SRGAP1: variants seen among roughly 807,000 people sequenced by gnomAD.
The protein encoded by SRGAP1 is SLIT-ROBO Rho GTPase-activating protein 1.
A neutral mutation model predicts 121.9 loss-of-function variants in SRGAP1; 43 were observed. That is an observed-to-expected ratio of 0.35 (90% CI 0.28 to 0.46). SRGAP1 has a LOEUF of 0.46. Ranked by LOEUF, SRGAP1 falls within the 20% of genes least tolerant of loss-of-function variation. The pLI is 1.00. For missense variants in SRGAP1, 1,102 were observed against 1,350.9 expected (o/e 0.82, Z 2.89); for synonymous variants, 447 against 485.4 (o/e 0.92, Z 1.04).
intron 1 of SRGAP1, among the ~76,000 whole-genome samples, chr12:63,858,630 A>G (rs934622790): frequency 2.0e-5 from 3 of 152,194 alleles, no homozygotes; most frequent in African/African-American, 7.2e-5. Context: ...TTAAACTGCT[A>G]ATCAGTAGTT....
At chr12:64,097,535 A>C in intron 15 of SRGAP1, 160 bp downstream of exon 15, 1 of 772,392 alleles carries the variant, frequency 1.3e-6, no homozygotes, top group Non-Finnish European at 1.9e-6. Flanking sequence ...AGTGCGAGTC[A>C]TCCTCCCAGC....
In SRGAP1 at chr12:64,145,623, C is replaced by T. The variant is rs1179209283; in HGVS notation, c.*2951C>T. ...AGTGAGTGAGGACTCAGTAAAGACT[C>T]ACCTCTCCTTACTTGGTTTATTAAA... is the stretch of plus-strand genomic sequence containing the variant. On this transcript the variant is annotated 3_prime_UTR_variant, in exon 22 of 22. Coordinates refer to ENST00000355086, the MANE Select transcript of SRGAP1 (RefSeq NM_020762.4). 1 of 151,864 alleles carries T rather than the reference C, an allele frequency of 6.6e-6. No homozygotes were observed. The highest frequency in any genetic ancestry group is 1.5e-5 in the Non-Finnish European group (1 of 68,028). The allele number at this position is 151,864 out of a possible 1,614,324, so 9.4% of individuals were successfully genotyped here. A position where few individuals can be genotyped will look rare whatever the true frequency, so the allele number is the denominator to read the frequency against.
intron 7 of SRGAP1, 46 bp downstream of exon 7, chr12:64,063,184 A>T: frequency 1.3e-6 from 2 of 1,498,640 alleles, no homozygotes; most frequent in Non-Finnish European, 1.8e-6. Context: ...CTCTTCACTT[A>T]TATTTCTCCT....
chr12:64,031,317 C>CAAAAAA (rs578019090), intron 4 of SRGAP1, among the ~76,000 whole-genome samples: 1 of 95,730 alleles, frequency 1.0e-5, no homozygotes, highest in Non-Finnish European at 2.0e-5. Flanking sequence ...GACTCTGTCT[C>CAAAAAA]AAAAAAAAAA....
At chr12:64,052,577 G>T (rs143869915) in intron 6 of SRGAP1, among the ~76,000 whole-genome samples, 3 of 151,370 alleles carry the variant, frequency 2.0e-5, no homozygotes, top group East Asian at 3.9e-4. Flanking sequence ...CAAAATAAAC[G>T]TATATGTTTT....
chr12:63,896,194 C>T (rs942544972), intron 1 of SRGAP1, among the ~76,000 whole-genome samples: 6 of 152,134 alleles, frequency 3.9e-5, no homozygotes, highest in Admixed American at 3.9e-4. Flanking sequence ...ATCTATTATC[C>T]ATGTACTTGG....
intron 1 of SRGAP1, among the ~76,000 whole-genome samples, chr12:63,930,613 T>C (rs1194510621): frequency 6.6e-6 from 1 of 152,176 alleles, no homozygotes; most frequent in Non-Finnish European, 1.5e-5. Flanking sequence ...ATAAGTATCT[T>C]TGATGATTAT....
intron 1 of SRGAP1, among the ~76,000 whole-genome samples, chr12:63,869,279 C>T (rs189043417): frequency 1.3e-5 from 2 of 152,196 alleles, no homozygotes; most frequent in Non-Finnish European, 2.9e-5. Flanking sequence ...AAGAGAGGGC[C>T]AAATGTATCT....
intron 1 of SRGAP1, among the ~76,000 whole-genome samples, chr12:63,865,753 G>A (rs1899607740): frequency 6.6e-6 from 1 of 152,132 alleles, no homozygotes. Flanking sequence ...CCGGCTGCAG[G>A]TGTTGCAGTT....
At chr12:64,021,672 C>G (rs2034552804) in intron 4 of SRGAP1, among the ~76,000 whole-genome samples, 1 of 152,146 alleles carries the variant, frequency 6.6e-6, no homozygotes, top group Non-Finnish European at 1.5e-5. Flanking sequence ...ATGTTAATGC[C>G]TCCCCCACAA....
intron 1 of SRGAP1, among the ~76,000 whole-genome samples, chr12:63,932,303 T>C (rs1390727621): frequency 1.3e-5 from 2 of 152,098 alleles, no homozygotes; most frequent in Non-Finnish European, 2.9e-5. Context: ...AAAAAATAGA[T>C]TCTGAGTTTG....
chr12:63,995,235 GT>G (rs2033663882), intron 3 of SRGAP1, among the ~76,000 whole-genome samples: 1 of 152,170 alleles, frequency 6.6e-6, no homozygotes, highest in South Asian at 2.1e-4. Context: ...AATTCATCTT[GT>G]TTCTTCACCA....
intron 3 of SRGAP1, among the ~76,000 whole-genome samples, chr12:63,994,414 G>T (rs370174618): frequency 1.3e-5 from 2 of 152,026 alleles, no homozygotes; most frequent in Non-Finnish European, 2.9e-5. Context: ...AGTGATAAGT[G>T]CCCTCACAAC....
chr12:63,985,636 A>G (rs2033393277), intron 2 of SRGAP1, among the ~76,000 whole-genome samples: 1 of 152,212 alleles, frequency 6.6e-6, no homozygotes, highest in Non-Finnish European at 1.5e-5. Context: ...CCAAAAAAAG[A>G]AGAGGGAACT....
Position 64,137,952 on chromosome 12 carries a change from T to TA in SRGAP1, c.2881-4333dup, listed in dbSNP as rs142595703. Among the ~76,000 whole-genome samples, 1,342 of 138,952 alleles carry TA rather than the reference T, an allele frequency of 9.7e-3. 4 individuals are homozygous for TA. Among genetic ancestry groups the TA allele is most frequent in the South Asian group, 0.019 (79 of 4,130 alleles). 91.2% of individuals were successfully genotyped at this position (138,952 alleles called of 152,430 possible). On this transcript the variant is annotated intron_variant, in intron 21 of 21. Coordinates refer to ENST00000355086, the MANE Select transcript of SRGAP1 (RefSeq NM_020762.4). ...TGCCTTTTTCTTTCTTAATTGTGCT[T>TA]AAAAAAAAAATATATATATATATAT...
chr12:64,050,190 A>T (rs2035212611), intron 6 of SRGAP1, among the ~76,000 whole-genome samples: 1 of 152,086 alleles, frequency 6.6e-6, no homozygotes, highest in Admixed American at 6.6e-5. Flanking sequence ...TTTTCAGATT[A>T]TGTGCTGTTG....
At chr12:64,127,750 C>G (rs765423818) in intron 20 of SRGAP1, 26 bp downstream of exon 20, 2 of 1,612,196 alleles carry the variant, frequency 1.2e-6, no homozygotes, top group South Asian at 2.2e-5. Context: ...GAATCAGGCC[C>G]CTAAGCCTCC....
intron 1 of SRGAP1, among the ~76,000 whole-genome samples, chr12:63,953,710 A>G: frequency 6.6e-6 from 1 of 151,974 alleles, no homozygotes; most frequent in Admixed American, 6.6e-5. Flanking sequence ...CCCACTGCCC[A>G]TGATTCCATC....
At chr12:64,055,536 G>A (rs1048279966) in intron 6 of SRGAP1, among the ~76,000 whole-genome samples, 4 of 150,842 alleles carry the variant, frequency 2.7e-5, no homozygotes, top group African/African-American at 9.8e-5. Context: ...AAAAGAGCCC[G>A]CATCGCCAAG....
Sources: gnomAD v4.1 joint callset for allele counts (sites outside exome capture counted in the v4.1 genomes callset) on GRCh38, gnomAD v4.1.1 for gene constraint, MANE v1.5 for transcripts, NCBI Gene and HGNC (gene_info 2026-07-23, HGNC 2026-07-21) for gene names.